PTPRN2: variants seen among roughly 807,000 people sequenced by gnomAD.
PTPRN2 encodes receptor-type tyrosine-protein phosphatase N2.
In PTPRN2, 74 loss-of-function variants were observed where a neutral mutation model predicts 118.8. That is an observed-to-expected ratio of 0.62 (90% CI 0.52 to 0.76). PTPRN2 has a LOEUF of 0.76. Ranked by LOEUF, PTPRN2 falls within the 30% of genes least tolerant of loss-of-function variation. The pLI is 0.00. For synonymous variants in PTPRN2, 641 were observed against 608.0 expected (o/e 1.05, Z -0.80); for missense variants, 1,481 against 1,394.4 (o/e 1.06, Z -0.99).
rs559624833 is a variant in PTPRN2 at position 157,595,432 on chromosome 7, G to C, written c.2419-117C>G. ...GGAAACCCGGAGGTTAGGAAGCCAG[G>C]ACGTTAAGAAACCCGGAGGTTAGGA... On this transcript the variant is annotated intron_variant, in intron 16 of 22. Transcript: ENST00000389418. 1.0e-4 allele frequency: 97 copies of C among 949,974 alleles called. No homozygotes were observed. The African/African-American group carries it at 1.4e-3, about 14-fold the overall frequency. 58.8% of individuals were successfully genotyped at this position (949,974 alleles called of 1,614,324 possible). A position where few individuals can be genotyped will look rare whatever the true frequency, so the allele number is the denominator to read the frequency against.
rs186259865 is a variant in PTPRN2 at position 158,152,035 on chromosome 7, G to A, written c.911-13520C>T. Among the ~76,000 whole-genome samples, 738 of 152,206 alleles carry A rather than the reference G, an allele frequency of 4.8e-3. 4 individuals carry two copies. Among genetic ancestry groups the A allele is most frequent in the African/African-American group, 0.016 (684 of 41,516 alleles). On this transcript the variant is annotated intron_variant, in intron 6 of 22. Transcript: ENST00000389418. ...AAAAATACAAAAAAATTAGCCGGGC[G>A]TGGTGGCAGACGCCTGTAGTCCCAG...
rs1171250958 is a variant in PTPRN2, at chr7:158,093,334, G to C, written c.1644-11957C>G. Among the ~76,000 whole-genome samples the C allele has an allele frequency of 6.7e-6, 1 of 149,056 alleles. No individual in the cohort carries two copies. The highest frequency in any genetic ancestry group is 6.7e-5 in the Admixed American group (1 of 14,918). ...ACGCAGGCCTGCACCGTCCTTTCCT[G>C]ACTCTGCCGCTGGACCGACCCCCAC... On this transcript the variant is annotated intron_variant, in intron 10 of 22. Transcript: ENST00000389418. This position sits in a 1 kb window ranked among gnomAD's most constrained non-coding sequence, Gnocchi z 4.4.
intron 11 of PTPRN2, among the ~76,000 whole-genome samples, chr7:158,063,430 C>T (rs908132138): frequency 6.6e-6 from 1 of 152,194 alleles, no homozygotes; most frequent in Admixed American, 6.5e-5. Context: ...GACCAATCAG[C>T]TCTCTGTAAA....
At chr7:158,294,623 G>A (rs938218293) in intron 3 of PTPRN2, among the ~76,000 whole-genome samples, 2 of 152,164 alleles carry the variant, frequency 1.3e-5, no homozygotes, top group African/African-American at 4.8e-5. Context: ...GAGAGGCAGG[G>A]CTGAGCCAGG....
intron 2 of PTPRN2, among the ~76,000 whole-genome samples, chr7:158,363,833 G>T (rs1809208675): frequency 6.6e-6 from 1 of 152,156 alleles, no homozygotes; most frequent in Non-Finnish European, 1.5e-5. Flanking sequence ...AGGGAGAGGA[G>T]GTGGCCGATG....
intron 2 of PTPRN2, among the ~76,000 whole-genome samples, chr7:158,428,273 C>T (rs1211526505): frequency 2.0e-5 from 3 of 152,120 alleles, no homozygotes; most frequent in African/African-American, 4.8e-5. Context: ...GGTGAAGGCA[C>T]AGCGGCGTCG....
chr7:157,850,913 T>G (rs529109617), intron 12 of PTPRN2, among the ~76,000 whole-genome samples: 1 of 152,320 alleles, frequency 6.6e-6, no homozygotes, highest in East Asian at 1.9e-4. Flanking sequence ...GCTTTGCACA[T>G]TAGGATTTTT....
intron 2 of PTPRN2, among the ~76,000 whole-genome samples, chr7:158,337,684 C>T (rs368495756): frequency 4.7e-5 from 7 of 149,538 alleles, no homozygotes; most frequent in South Asian, 2.1e-4. Flanking sequence ...GCAGACGTCA[C>T]TCACACCCAC....
Position 157,609,410 on chromosome 7 carries a change from A to T in PTPRN2, c.2345-5335T>A, listed in dbSNP as rs1802197745. On this transcript the variant is annotated intron_variant, in intron 15 of 22. Transcript: ENST00000389418. This position sits in a 1 kb window ranked among gnomAD's most constrained non-coding sequence, Gnocchi z 4.9. ...AAAAAATTTTTTTTTAAATATAAAA[A>T]AAAAGAGTATTTCAAATTTCTCAGA... 6.6e-6 allele frequency among the ~76,000 whole-genome samples: 1 copy of T among 152,190 alleles called. No individual in the cohort carries two copies. The highest frequency in any genetic ancestry group is 2.4e-5 in the African/African-American group (1 of 41,438).
At chr7:158,512,756 C>T (rs1490980417) in intron 1 of PTPRN2, among the ~76,000 whole-genome samples, 1 of 152,122 alleles carries the variant, frequency 6.6e-6, no homozygotes, top group Non-Finnish European at 1.5e-5. Flanking sequence ...GAGCCTAAAG[C>T]CTCTTGTAGT....
At chr7:158,025,863 A>C (rs114455842) in intron 11 of PTPRN2, among the ~76,000 whole-genome samples, 126 of 152,370 alleles carry the variant, frequency 8.3e-4, no homozygotes, top group African/African-American at 2.7e-3. Context: ...GACAATTCCA[A>C]TCCGGAGTGG....
chr7:158,004,319 G>C (rs536365187), intron 11 of PTPRN2, among the ~76,000 whole-genome samples: 1 of 152,110 alleles, frequency 6.6e-6, no homozygotes, highest in Non-Finnish European at 1.5e-5. Context: ...AATGGCACCC[G>C]AATTTTATTC....
At position 158,045,214 on chromosome 7, in the gene PTPRN2, G is replaced by A. The variant is rs145272207; in HGVS notation, c.1723+36084C>T. ...GGCTTTGGGACAGCAGTCATGTGGC[G>A]CACAGCAGCCCATTCTTTGTTTCCA... On this transcript the variant is annotated intron_variant, in intron 11 of 22. Coordinates refer to ENST00000389418, the MANE Select transcript of PTPRN2 (RefSeq NM_002847.5). Among the ~76,000 whole-genome samples the A allele has an allele frequency of 4.7e-4, 71 of 152,304 alleles. 1 individual carries two copies. The highest frequency in any genetic ancestry group is 7.7e-4 in the East Asian group (4 of 5,190).
chr7:158,340,792 C>A (rs1372822024), intron 2 of PTPRN2, among the ~76,000 whole-genome samples: 1 of 86,908 alleles, frequency 1.2e-5, no homozygotes, highest in Non-Finnish European at 2.4e-5. Context: ...GTGACACCTG[C>A]AGACGTCACT....
chr7:158,083,538 C>G (rs1361021121), intron 10 of PTPRN2, among the ~76,000 whole-genome samples: 1 of 152,204 alleles, frequency 6.6e-6, no homozygotes, highest in Admixed American at 6.5e-5. Flanking sequence ...TTCTTGGTTC[C>G]TCAGAGTCCA....
intron 12 of PTPRN2, among the ~76,000 whole-genome samples, chr7:157,817,961 T>C (rs1806528563): frequency 6.6e-6 from 1 of 151,930 alleles, no homozygotes. Context: ...ATGTGCATGG[T>C]GTGTGCCTGT....
chr7:158,063,675 C>T (rs78493148), intron 11 of PTPRN2, among the ~76,000 whole-genome samples: 16,957 of 152,150 alleles, frequency 0.11, 2,437 homozygotes, highest in African/African-American at 0.34. Context: ...GACCACGAAC[C>T]CACCAGAAAG....
chr7:158,407,211 CTG>C (rs1813585929), intron 2 of PTPRN2, among the ~76,000 whole-genome samples: 30 of 29,538 alleles, frequency 1.0e-3, no homozygotes, highest in Non-Finnish European at 1.4e-3. Context: ...GTCCTGGGTC[CTG>C]CGTCCTGCGT....
chr7:157,825,235 C>T (rs905217577), intron 12 of PTPRN2, among the ~76,000 whole-genome samples: 11 of 152,276 alleles, frequency 7.2e-5, no homozygotes, highest in African/African-American at 1.7e-4. Context: ...CATGGTGGGA[C>T]GCGCGCCCTG....
Sources: gnomAD v4.1 joint callset for allele counts (sites outside exome capture counted in the v4.1 genomes callset) on GRCh38, gnomAD v4.1.1 for gene constraint, Gnocchi (gnomAD v3.1) non-coding constraint, MANE v1.5 for transcripts, NCBI Gene and HGNC (gene_info 2026-07-23, HGNC 2026-07-21) for gene names.